ELF1: variants seen among roughly 807,000 people sequenced by gnomAD.
ELF1 encodes E74 like ETS transcription factor 1.
ELF1 carries 24 observed loss-of-function variants against 59.9 expected under a neutral mutation model. That is an observed-to-expected ratio of 0.40 (90% CI 0.29 to 0.56). ELF1 has a LOEUF of 0.56. Ranked by LOEUF, ELF1 falls within the 20% of genes least tolerant of loss-of-function variation. The probability of loss-of-function intolerance (pLI) is 0.44; values close to 1 mark genes in which losing one functional copy is unlikely to be tolerated. For synonymous variants in ELF1, 248 were observed against 266.2 expected (o/e 0.93, Z 0.67); for missense variants, 627 against 742.2 (o/e 0.84, Z 1.80).
intron 1 of ELF1, among the ~76,000 whole-genome samples, chr13:41,039,336 T>TAA (rs747996967): frequency 4.2e-4 from 43 of 102,896 alleles, no homozygotes; most frequent in South Asian, 3.0e-4. Context: ...GTCCTTTTTT[T>TAA]AAAAAAAAAA....
intron 1 of ELF1, among the ~76,000 whole-genome samples, chr13:41,028,649 A>G (rs1180746683): frequency 6.6e-6 from 1 of 152,252 alleles, no homozygotes; most frequent in Non-Finnish European, 1.5e-5. Flanking sequence ...ATAACAAAGC[A>G]AATATCTTTG....
At chr13:41,051,067 C>A (rs374965480) in intron 1 of ELF1, among the ~76,000 whole-genome samples, 5 of 152,168 alleles carry the variant, frequency 3.3e-5, no homozygotes, top group Non-Finnish European at 7.4e-5. Context: ...TCATTTCCCA[C>A]ACATTTGTGG....
intron 3 of ELF1, among the ~76,000 whole-genome samples, chr13:40,955,920 C>T (rs373278451): frequency 0.39 from 40,963 of 105,238 alleles, 11,085 homozygotes; most frequent in East Asian, 0.75. Context: ...GCCCCCCGCC[C>T]GGCCAGCCGC....
chr13:40,954,900 TGGC>T (rs1871128013), intron 3 of ELF1, among the ~76,000 whole-genome samples: 2 of 116,746 alleles, frequency 1.7e-5, no homozygotes, highest in Non-Finnish European at 3.7e-5. Flanking sequence ...CGTCTCTGCC[TGGC>T]GGCCCATCGT....
intron 1 of ELF1, among the ~76,000 whole-genome samples, chr13:40,999,540 G>A (rs1328442503): frequency 6.6e-6 from 1 of 152,130 alleles, no homozygotes; most frequent in Admixed American, 6.5e-5. Flanking sequence ...TTGAGAAGAA[G>A]TAAAAAAAGT....
chr13:41,061,297 C>T (rs1877611571), exon 1 of ELF1: 1 of 349,852 alleles, frequency 2.9e-6, no homozygotes, highest in East Asian at 5.9e-5. Context: ...AGGTTTTGGG[C>T]CCCAGGGGAG....
chr13:41,035,487 G>GC (rs1222058540), intron 1 of ELF1, among the ~76,000 whole-genome samples: 1 of 151,320 alleles, frequency 6.6e-6, no homozygotes, highest in African/African-American at 2.4e-5. Context: ...TACACAAAAA[G>GC]CCAAGGCCAC....
chr13:40,944,593 G>A (rs1870390428), intron 5 of ELF1, among the ~76,000 whole-genome samples: 2 of 152,088 alleles, frequency 1.3e-5, no homozygotes, highest in South Asian at 4.1e-4. Flanking sequence ...CATCCCAATA[G>A]CCTCAGAGTG....
At chr13:40,998,078 T>A (rs1001467616) in intron 1 of ELF1, among the ~76,000 whole-genome samples, 9 of 151,916 alleles carry the variant, frequency 5.9e-5, no homozygotes, top group African/African-American at 1.9e-4. Flanking sequence ...GCCCAAAAGG[T>A]GGAGGTTGCA....
At chr13:40,970,437 A>T (rs546284781) in intron 2 of ELF1, among the ~76,000 whole-genome samples, 1 of 152,354 alleles carries the variant, frequency 6.6e-6, no homozygotes, top group South Asian at 2.1e-4. Context: ...GAAAAATACG[A>T]TCTCTATCAT....
chr13:40,974,904 T>A (rs1430091919), intron 2 of ELF1, among the ~76,000 whole-genome samples: 2 of 152,084 alleles, frequency 1.3e-5, no homozygotes, highest in African/African-American at 4.8e-5. Flanking sequence ...AAGTCAGATC[T>A]CCCCCAGAAG....
intron 2 of ELF1, among the ~76,000 whole-genome samples, chr13:40,962,415 G>C (rs1871885074): frequency 6.6e-6 from 1 of 152,084 alleles, no homozygotes; most frequent in Non-Finnish European, 1.5e-5. Flanking sequence ...AGGAGTGGTG[G>C]CTCATGTCTG....
chr13:41,058,517 T>C lies in ELF1; in HGVS notation c.-229+2321A>G, dbSNP rs193145569. On this transcript the variant is annotated intron_variant, in intron 1 of 1. Coordinates refer to the ELF1 transcript ENST00000405737. ...TACCATATTCTACGTAATGCACAAC[T>C]ACACGAAAGATAAATCTGTGTTTTA... Among the ~76,000 whole-genome samples the C allele has an allele frequency of 2.9e-3, 438 of 152,376 alleles. 2 individuals are homozygous for C. Among genetic ancestry groups the C allele is most frequent in the Non-Finnish European group, 4.5e-3 (306 of 68,042 alleles).
At chr13:41,031,936 T>G (rs1189813348) in intron 1 of ELF1, among the ~76,000 whole-genome samples, 3 of 150,890 alleles carry the variant, frequency 2.0e-5, no homozygotes. Context: ...TCCATGAAAA[T>G]GTAATTATAC....
chr13:41,059,641 T>G (rs1877422404), intron 1 of ELF1, among the ~76,000 whole-genome samples: 1 of 152,164 alleles, frequency 6.6e-6, no homozygotes, highest in Non-Finnish European at 1.5e-5. Context: ...CCAATAAACA[T>G]TATAGCCGAC....
At chr13:41,028,853 C>T (rs1876051477) in intron 1 of ELF1, among the ~76,000 whole-genome samples, 1 of 152,166 alleles carries the variant, frequency 6.6e-6, no homozygotes, top group Admixed American at 6.5e-5. Context: ...TAAGCCTCAG[C>T]CTCCCGAGTA....
upstream of ELF1, among the ~76,000 whole-genome samples, chr13:41,020,054 C>T (rs1275434927): frequency 6.6e-6 from 1 of 152,210 alleles, no homozygotes; most frequent in East Asian, 1.9e-4. Context: ...ATGATAGCTA[C>T]AGTTTGACTT....
intron 1 of ELF1, chr13:40,992,911 A>G (rs1873939289): frequency 1.5e-6 from 1 of 664,950 alleles, no homozygotes; most frequent in Non-Finnish European, 2.7e-6. Context: ...CAGAAATGTA[A>G]TCTTCATATA....
chr13:40,942,362 T>C (rs546186140), intron 7 of ELF1, among the ~76,000 whole-genome samples: 94 of 152,308 alleles, frequency 6.2e-4, no homozygotes, highest in Middle Eastern at 3.4e-3. Flanking sequence ...ATGCGTATCT[T>C]GAAGGATAAA....
Sources: allele counts gnomAD v4.1 joint callset (sites outside exome capture counted in the v4.1 genomes callset), GRCh38; gene constraint gnomAD v4.1.1; transcripts MANE v1.5; gene names NCBI Gene and HGNC (gene_info 2026-07-23, HGNC 2026-07-21).